SCN7A: variants seen among roughly 807,000 people sequenced by gnomAD.
The protein encoded by SCN7A is sodium channel protein type 7 subunit alpha.
SCN7A carries 138 observed loss-of-function variants against 155.2 expected under a neutral mutation model. The ratio of observed to expected loss-of-function variants is 0.89; its 90% confidence interval spans 0.77 to 1.02. The LOEUF is 1.02. SCN7A is among the 50% of genes least tolerant of loss of function. The probability of loss-of-function intolerance (pLI) is 0.00; values close to 1 mark genes in which losing one functional copy is unlikely to be tolerated. For missense variants in SCN7A, 2,058 were observed against 1,986.6 expected (o/e 1.04, Z -0.68); for synonymous variants, 693 against 649.0 (o/e 1.07, Z -1.03).
At chr2:166,421,415 C>A in intron 19 of SCN7A, 118 bp from the exon 20 acceptor site, 1 of 471,394 alleles carries the variant, frequency 2.1e-6, no homozygotes, top group Non-Finnish European at 3.6e-6. Flanking sequence ...CCAGTAAATT[C>A]GTGAATTATT....
rs1396117713 is a variant in SCN7A, at chr2:166,409,861, A to G, written c.3786T>C (p.Cys1262=). 6.4e-7 allele frequency: 1 copy of G among 1,569,154 alleles called. No homozygotes were observed. The highest frequency in any genetic ancestry group is 2.3e-5 in the East Asian group (1 of 42,950). ...AFNVIVMVLI[C]FQAIAMMIDT... ...CTATCATCATGGCTATTGCTTGGAA[A>G]CATATAAGAACCATAACAATGACAT... The change falls in exon 25 of 26, where the codon TGT becomes TGC. Residue 1262 remains cysteine, a synonymous_variant. Transcript: ENST00000643258.
intron 25 of SCN7A, among the ~76,000 whole-genome samples, 176 bp from the exon 26 acceptor site, chr2:166,406,822 C>T (rs1701086903): frequency 1.3e-5 from 2 of 151,946 alleles, no homozygotes; most frequent in Admixed American, 1.3e-4. Flanking sequence ...TTTGGGTCAG[C>T]CAAACACCTA....
At chr2:166,408,161 C>T (rs1701117711) in intron 25 of SCN7A, among the ~76,000 whole-genome samples, 2 of 151,914 alleles carry the variant, frequency 1.3e-5, no homozygotes, top group African/African-American at 2.4e-5. Flanking sequence ...GTCACTTTTC[C>T]TTCCTATTAT....
At chr2:166,424,330 T>C (rs185447099) in intron 18 of SCN7A, among the ~76,000 whole-genome samples, 35 of 152,196 alleles carry the variant, frequency 2.3e-4, no homozygotes, top group African/African-American at 8.4e-4. Flanking sequence ...TCCACTTCAA[T>C]TAGCATGGGT....
At chr2:166,432,206 T>C (rs1400401363) in intron 16 of SCN7A, 112 bp downstream of exon 16, 5 of 741,970 alleles carry the variant, frequency 6.7e-6, no homozygotes, top group Non-Finnish European at 1.1e-5. Flanking sequence ...CTAGGAGTGA[T>C]GGAGTTAGAA....
intron 10 of SCN7A, among the ~76,000 whole-genome samples, chr2:166,459,161 G>A (rs1021582930): frequency 2.6e-5 from 4 of 151,976 alleles, no homozygotes; most frequent in Non-Finnish European, 4.4e-5. Flanking sequence ...ATGAAAATCA[G>A]ATAGGAAAAA....
In SCN7A at chr2:166,462,171, A is replaced by T. The variant is rs57594265; in HGVS notation, c.1083+218T>A. ...CCTCTCTTCTCTCTCTCTCTCTCTGACCTTGTAGAATTGTTTCAAAGATTA... is the reference window on the plus strand; with the variant it reads ...CCTCTCTTCTCTCTCTCTCTCTCTGTCCTTGTAGAATTGTTTCAAAGATTA... On this transcript the variant is annotated intron_variant, in intron 10 of 25. Coordinates refer to ENST00000643258, the MANE Select transcript of SCN7A (RefSeq NM_002976.4). The T allele has an allele frequency of 7.1e-3, 3,010 of 424,798 alleles. 118 individuals carry two copies. In the East Asian group the frequency reaches 0.095, roughly 13 times the overall value. The allele number at this position is 424,798 out of a possible 1,614,324, so 26.3% of individuals were successfully genotyped here. A position where few individuals can be genotyped will look rare whatever the true frequency, so the allele number is the denominator to read the frequency against.
chr2:166,463,256 T>C (rs1171743113), intron 9 of SCN7A, among the ~76,000 whole-genome samples: 1 of 152,204 alleles, frequency 6.6e-6, no homozygotes, highest in Non-Finnish European at 1.5e-5. Context: ...TCTATCCACT[T>C]GGGAGTTTCG....
At chr2:166,439,043 G>A (rs1423912188) in intron 15 of SCN7A, among the ~76,000 whole-genome samples, 3 of 90,386 alleles carry the variant, frequency 3.3e-5, no homozygotes, top group African/African-American at 5.2e-5. Context: ...ATACATATAT[G>A]TGTGTGTGTG....
At position 166,442,633 on chromosome 2, in the gene SCN7A, T is replaced by C. The variant is rs1333914915; in HGVS notation, c.1800+870A>G. Among the ~76,000 whole-genome samples the C allele has an allele frequency of 5.3e-5, 8 of 152,280 alleles. No individual in the cohort carries two copies. The East Asian group carries it at 1.5e-3, about 29-fold the overall frequency. ...AATTCCTGGCCTCACTTCTTGACTTTTTCTAGTGTTCAGCTGTCTTTCTGA... is the reference window on the plus strand; with the variant it reads ...AATTCCTGGCCTCACTTCTTGACTTCTTCTAGTGTTCAGCTGTCTTTCTGA... On this transcript the variant is annotated intron_variant, in intron 14 of 25. Transcript: ENST00000643258.
chr2:166,408,297 C>A (rs1701120571), intron 25 of SCN7A, among the ~76,000 whole-genome samples: 1 of 151,966 alleles, frequency 6.6e-6, no homozygotes, highest in Non-Finnish European at 1.5e-5. Flanking sequence ...TTGAAGACTT[C>A]AATAATTGAC....
chr2:166,456,400 A>C (rs1702274988), intron 11 of SCN7A, among the ~76,000 whole-genome samples: 1 of 152,218 alleles, frequency 6.6e-6, no homozygotes. Flanking sequence ...AACTATTTAA[A>C]ATTCCAAAAA....
chr2:166,430,803 C>G (rs780759303), intron 16 of SCN7A, among the ~76,000 whole-genome samples: 64 of 151,856 alleles, frequency 4.2e-4, no homozygotes, highest in Non-Finnish European at 7.8e-4. Flanking sequence ...AGAAACAAGA[C>G]AGTGTATCTC....
chr2:166,440,499 C>G (rs1012941654), intron 15 of SCN7A: 1 of 152,062 alleles, frequency 6.6e-6, no homozygotes, highest in African/African-American at 2.4e-5. Flanking sequence ...GAAGCTAGTG[C>G]TATCTAATGG....
At chr2:166,466,603 A>G (rs1702539942) in intron 7 of SCN7A, among the ~76,000 whole-genome samples, 1 of 152,070 alleles carries the variant, frequency 6.6e-6, no homozygotes, top group African/African-American at 2.4e-5. Context: ...AAAAACAAAA[A>G]TAACATAATC....
rs916812024 is a variant in SCN7A, at chr2:166,486,899, A to G, written c.-58T>C. On this transcript the variant is annotated 5_prime_UTR_variant, in exon 2 of 26. It removes an upstream start codon present in the reference 5' UTR. Transcript: ENST00000643258. ...TCTCCAGAAGATCCACACTCTTTTC[A>G]TATCTTTGGGCACTAGTTTTCCCTC... The G allele has an allele frequency of 6.6e-6, 1 of 152,214 alleles. No individual in the cohort carries two copies. The highest frequency in any genetic ancestry group is 2.4e-5 in the African/African-American group (1 of 41,442). The allele number at this position is 152,214 out of a possible 1,614,324, so 9.4% of individuals were successfully genotyped here. A position where few individuals can be genotyped will look rare whatever the true frequency, so the allele number is the denominator to read the frequency against.
intron 10 of SCN7A, among the ~76,000 whole-genome samples, chr2:166,458,326 CAAAA>C (rs71395231): frequency 2.0e-5 from 2 of 97,936 alleles, no homozygotes; most frequent in Non-Finnish European, 2.2e-5. Flanking sequence ...GACCATGTAT[CAAAA>C]AAAAAAAAAA....
Position 166,423,294 on chromosome 2 carries a change from T to C in SCN7A, c.2992A>G (p.Asn998Asp). 6.2e-7 allele frequency: 1 copy of C among 1,610,126 alleles called. No homozygotes were observed. The highest frequency in any genetic ancestry group is 8.5e-7 in the Non-Finnish European group (1 of 1,178,670). ...ACGAAGTCCAGCCTGTACCAGCCAT[T>C]AGAGAAATAGGCCTTAAAACCATAT... ...MAYGFKAYFS[N>D]GWYRLDFVVV... is the part of the protein sequence containing the mutation. Residue 998 changes from asparagine to aspartate, a missense_variant, in exon 19 of 26, where the codon AAT (asparagine) becomes GAT (aspartate). Asn to Asp is a conservative substitution (Grantham distance 23). Transcript: ENST00000643258.
chr2:166,406,365 T>C lies in SCN7A; in HGVS notation c.4264A>G (p.Asn1422Asp), dbSNP rs191405625. 2.5e-6 allele frequency: 4 copies of C among 1,613,152 alleles called. No individual in the cohort carries two copies. The African/African-American group carries it at 5.3e-5, about 22-fold the overall frequency. Residue 1422 changes from asparagine to aspartate, a missense_variant, in exon 26 of 26, where the codon AAC (asparagine) becomes GAC (aspartate). Transcript: ENST00000643258. Reference sequence around the variant, plus strand: ...ACTTGAAAAAGACAGAGCATACTGTTGCCAAAGGTTTCAAAATTAGACACA... The same window carrying C: ...ACTTGAAAAAGACAGAGCATACTGTCGCCAAAGGTTTCAAAATTAGACACA... Reference protein sequence around the residue: ...NDVSNFETFGNSMLCLFQVAI... With the variant: ...NDVSNFETFGDSMLCLFQVAI...
Sources: allele counts gnomAD v4.1 joint callset (sites outside exome capture counted in the v4.1 genomes callset), GRCh38; gene constraint gnomAD v4.1.1; transcripts MANE v1.5; gene names NCBI Gene and HGNC (gene_info 2026-07-23, HGNC 2026-07-21).